Variants in NPY2R observed in about 807,000 individuals in gnomAD.
NPY2R encodes the protein neuropeptide Y receptor type 2.
NPY2R carries 17 observed loss-of-function variants against 22.3 expected under a neutral mutation model. The ratio of observed to expected loss-of-function variants is 0.76; its 90% CI spans 0.52 to 1.14. NPY2R has a LOEUF of 1.14. Among genes scored for constraint, NPY2R ranks in the 50% most tolerant of loss-of-function variants. The pLI, the probability that NPY2R is intolerant of heterozygous loss-of-function variation, is 0.00. For missense variants in NPY2R, 424 were observed against 467.9 expected (o/e 0.91, Z 0.87); for synonymous variants, 209 against 183.4 (o/e 1.14, Z -1.13).
At chr4:155,186,988 T>A in the NPY2R span, among the ~76,000 whole-genome samples, 1 of 152,108 alleles carries the variant, frequency 6.6e-6, no homozygotes, top group East Asian at 1.9e-4. Flanking sequence ...TTTGGAGAAA[T>A]ATGAGATTTA....
chr4:155,212,499 A>T (rs1729426101), intron 1 of NPY2R, among the ~76,000 whole-genome samples: 3 of 152,016 alleles, frequency 2.0e-5, no homozygotes. Flanking sequence ...CCCGGCAAAA[A>T]CCCTAGTTCA....
chr4:155,216,394 C>T lies in NPY2R; in HGVS notation c.*1309C>T, dbSNP rs1224306525. 1 of 166,548 alleles carries T rather than the reference C, an allele frequency of 6.0e-6. No homozygotes were observed. The highest frequency in any genetic ancestry group is 1.5e-5 in the Non-Finnish European group (1 of 67,988). 10.3% of individuals were successfully genotyped at this position (166,548 alleles called of 1,614,324 possible). A position where few individuals can be genotyped will look rare whatever the true frequency, so the allele number is the denominator to read the frequency against. ...GTACCCAACCAAAGATGCTTAAAAA[C>T]CTTCTATGTTCATAAAAAATAACAA... On this transcript the variant is annotated 3_prime_UTR_variant, in exon 2 of 2. Coordinates refer to ENST00000329476, the MANE Select transcript of NPY2R (RefSeq NM_000910.4).
At chr4:155,181,913 G>A in the NPY2R span, among the ~76,000 whole-genome samples, 4 of 152,078 alleles carry the variant, frequency 2.6e-5, no homozygotes, top group East Asian at 5.8e-4. Flanking sequence ...AACATGAACA[G>A]GTTACCATTA....
At chr4:155,176,488 T>C in the NPY2R span, among the ~76,000 whole-genome samples, 2 of 152,176 alleles carry the variant, frequency 1.3e-5, no homozygotes. Flanking sequence ...TATGGGTTTG[T>C]GCCCAATGTG....
chr4:155,175,989 C>G, the NPY2R span, among the ~76,000 whole-genome samples: 3 of 152,046 alleles, frequency 2.0e-5, no homozygotes, highest in Non-Finnish European at 4.4e-5. Context: ...GTTAACCTTC[C>G]TAAGTTTAAA....
chr4:155,193,090 A>G, the NPY2R span, among the ~76,000 whole-genome samples: 2 of 152,064 alleles, frequency 1.3e-5, no homozygotes, highest in South Asian at 4.1e-4. Flanking sequence ...ACTGACGAGT[A>G]GAGGAAGGAG....
At chr4:155,180,681 A>G in the NPY2R span, among the ~76,000 whole-genome samples, 1 of 151,938 alleles carries the variant, frequency 6.6e-6, no homozygotes, top group Non-Finnish European at 1.5e-5. Context: ...ATATTTGATG[A>G]CTATTTTTTC....
chr4:155,196,935 G>A, the NPY2R span, among the ~76,000 whole-genome samples: 5 of 151,866 alleles, frequency 3.3e-5, no homozygotes, highest in Admixed American at 2.0e-4. Flanking sequence ...GAGATGTCAT[G>A]AATTAAATAG....
chr4:155,194,050 T>C, the NPY2R span, among the ~76,000 whole-genome samples: 2 of 151,884 alleles, frequency 1.3e-5, no homozygotes, highest in African/African-American at 4.8e-5. Context: ...TAATGGACTG[T>C]TTCTCTAGGG....
chr4:155,196,255 A>G, the NPY2R span, among the ~76,000 whole-genome samples: 1 of 151,888 alleles, frequency 6.6e-6, no homozygotes, highest in African/African-American at 2.4e-5. Context: ...GGTTACTGAC[A>G]CCTCAGCATG....
chr4:155,174,486 T>TATATATATATATATA, the NPY2R span, among the ~76,000 whole-genome samples: 8 of 68,676 alleles, frequency 1.2e-4, no homozygotes, highest in East Asian at 1.0e-3. Context: ...ATATATATAT[T>TATATATATATATATA]TTTTTTTTTA....
At chr4:155,213,769 T>A in intron 1 of NPY2R, 123 bp from the exon 2 acceptor site, 1 of 643,462 alleles carries the variant, frequency 1.6e-6, no homozygotes, top group Non-Finnish European at 2.8e-6. Context: ...TAGAGGATAT[T>A]TTGATCCCTA....
chr4:155,215,304 G>A lies in NPY2R; in HGVS notation c.*219G>A. ...AACAAAATGGTTTACTTAACAGTTG[G>A]TTGGGTAGTAGGTTGCATTATGAGT... On this transcript the variant is annotated 3_prime_UTR_variant, in exon 2 of 2. Transcript: ENST00000329476. 1.6e-6 allele frequency: 1 copy of A among 636,652 alleles called. No individual in the cohort carries two copies. Among genetic ancestry groups the A allele is most frequent in the Non-Finnish European group, 2.9e-6 (1 of 347,718 alleles). The allele number at this position is 636,652 out of a possible 1,614,324, so 39.4% of individuals were successfully genotyped here. A position where few individuals can be genotyped will look rare whatever the true frequency, so the allele number is the denominator to read the frequency against.
upstream of NPY2R, among the ~76,000 whole-genome samples, chr4:155,204,215 A>T (rs555517064): frequency 6.6e-6 from 1 of 151,392 alleles, no homozygotes; most frequent in Non-Finnish European, 1.5e-5. Flanking sequence ...AAAAAAAAAA[A>T]CGAAAAAGCT....
chr4:155,175,202 A>G, the NPY2R span, among the ~76,000 whole-genome samples: 8 of 152,148 alleles, frequency 5.3e-5, no homozygotes, highest in Non-Finnish European at 1.2e-4. Flanking sequence ...AAAAAACAAG[A>G]TTCGGTTTTG....
the NPY2R span, among the ~76,000 whole-genome samples, chr4:155,198,942 C>A: frequency 1.3e-5 from 2 of 151,854 alleles, no homozygotes; most frequent in Non-Finnish European, 2.9e-5. Flanking sequence ...TACTAGGAAA[C>A]CTTGCATTGT....
chr4:155,174,484 A>ATATATATATATATTT, the NPY2R span, among the ~76,000 whole-genome samples: 100 of 106,034 alleles, frequency 9.4e-4, no homozygotes, highest in African/African-American at 1.9e-3. Flanking sequence ...ATATATATAT[A>ATATATATATATATTT]TTTTTTTTTT....
In NPY2R at chr4:155,215,180, A is replaced by G. The variant is rs1289948947; in HGVS notation, c.*95A>G. 2.5e-6 allele frequency: 3 copies of G among 1,179,530 alleles called. No homozygotes were observed. The highest frequency in any genetic ancestry group is 3.8e-6 in the Non-Finnish European group (3 of 799,338). 73.1% of individuals were successfully genotyped at this position (1,179,530 alleles called of 1,614,324 possible). A position where few individuals can be genotyped will look rare whatever the true frequency, so the allele number is the denominator to read the frequency against. On this transcript the variant is annotated 3_prime_UTR_variant, in exon 2 of 2. Coordinates refer to ENST00000329476, the MANE Select transcript of NPY2R (RefSeq NM_000910.4). ...CAAGTGAAAACTGATTTCCCATTTT[A>G]AAGAAGAAGTGGATCTAAATGGAAG...
At chr4:155,177,278 G>T in the NPY2R span, among the ~76,000 whole-genome samples, 1 of 152,132 alleles carries the variant, frequency 6.6e-6, no homozygotes, top group Admixed American at 6.6e-5. Context: ...GTTAACCTGT[G>T]AAATCAAACA....
Sources: allele counts gnomAD v4.1 joint callset (sites outside exome capture counted in the v4.1 genomes callset), GRCh38; gene constraint gnomAD v4.1.1; transcripts MANE v1.5; gene names NCBI Gene and HGNC (gene_info 2026-07-23, HGNC 2026-07-21).